The following PCSK5 variants were observed in gnomAD, a reference collection of about 807,000 sequenced individuals.
PCSK5 encodes proprotein convertase subtilisin/kexin type 5, also known as prohormone convertase 5.
PCSK5 carries 129 observed loss-of-function variants against 233.2 expected under a neutral mutation model. That is an observed-to-expected ratio of 0.55 (90% CI 0.48 to 0.64). The LOEUF is 0.64. Ranked by LOEUF, PCSK5 falls within the 30% of genes least tolerant of loss-of-function variation. The pLI is 0.00. For synonymous variants in PCSK5, 825 were observed against 879.2 expected (o/e 0.94, Z 1.09); for missense variants, 2,076 against 2,430.1 (o/e 0.85, Z 3.06).
intron 2 of PCSK5, among the ~76,000 whole-genome samples, chr9:75,972,298 G>A (rs1035097663): frequency 2.8e-4 from 43 of 152,316 alleles, no homozygotes; most frequent in Admixed American, 1.7e-3. Context: ...AGTATAGTTT[G>A]AAGTCAGGTA....
At chr9:76,329,070 C>A (rs1829454418) in intron 33 of PCSK5, among the ~76,000 whole-genome samples, 1 of 150,342 alleles carries the variant, frequency 6.7e-6, no homozygotes, top group Admixed American at 6.7e-5. Context: ...CTGCCCTCCT[C>A]AGCCTCCCAA....
At chr9:76,224,854 T>G (rs1234337360) in intron 20 of PCSK5, among the ~76,000 whole-genome samples, 3 of 152,222 alleles carry the variant, frequency 2.0e-5, no homozygotes, top group African/African-American at 7.2e-5. Flanking sequence ...CACAGTTATA[T>G]CTTAATAACC....
At chr9:76,221,430 A>T (rs1294239902) in intron 20 of PCSK5, among the ~76,000 whole-genome samples, 1 of 152,238 alleles carries the variant, frequency 6.6e-6, no homozygotes, top group Non-Finnish European at 1.5e-5. Context: ...CCTGGGTCGC[A>T]GCCCAGCTCT....
intron 5 of PCSK5, among the ~76,000 whole-genome samples, chr9:76,066,156 C>T (rs866423105): frequency 3.1e-4 from 47 of 151,994 alleles, no homozygotes; most frequent in African/African-American, 1.1e-3. Context: ...ACTTTTTTTC[C>T]ATTTCTGTGA....
chr9:76,272,406 C>T (rs1454272217), intron 24 of PCSK5, among the ~76,000 whole-genome samples: 1 of 152,040 alleles, frequency 6.6e-6, no homozygotes, highest in Non-Finnish European at 1.5e-5. Context: ...TAATAATGGC[C>T]TTCTTTCTGA....
At chr9:76,090,461 G>C (rs1046955567) in intron 7 of PCSK5, among the ~76,000 whole-genome samples, 5 of 152,138 alleles carry the variant, frequency 3.3e-5, no homozygotes, top group African/African-American at 1.2e-4. Context: ...AATTCAGTCT[G>C]TTTATTTCTG....
At chr9:75,929,209 A>G (rs1180044528) in intron 1 of PCSK5, among the ~76,000 whole-genome samples, 2 of 152,198 alleles carry the variant, frequency 1.3e-5, no homozygotes, top group Non-Finnish European at 2.9e-5. Flanking sequence ...ATGGGATTAC[A>G]GGCGTGAGCC....
At chr9:75,973,081 T>TAA (rs11432519) in intron 2 of PCSK5, among the ~76,000 whole-genome samples, 28 of 151,600 alleles carry the variant, frequency 1.8e-4, no homozygotes, top group African/African-American at 4.6e-4. Flanking sequence ...GTCTCCCTGG[T>TAA]AAAAAAAATG....
At chr9:76,287,355 C>T (rs1250404178) in intron 24 of PCSK5, 1 of 209,222 alleles carries the variant, frequency 4.8e-6, no homozygotes, top group Non-Finnish European at 1.1e-5. Context: ...TGGCTTTCCC[C>T]AGCAGGCCAA....
At chr9:76,286,314 T>A (rs1431266665) in intron 24 of PCSK5, among the ~76,000 whole-genome samples, 1 of 152,206 alleles carries the variant, frequency 6.6e-6, no homozygotes, top group African/African-American at 2.4e-5. Flanking sequence ...TTATCTGAGG[T>A]CCATCAATCC....
intron 3 of PCSK5, among the ~76,000 whole-genome samples, chr9:76,006,568 G>T (rs535410316): frequency 6.6e-6 from 1 of 152,172 alleles, no homozygotes; most frequent in African/African-American, 2.4e-5. Context: ...TACCGTTTCT[G>T]TCTCTTTTCT....
At chr9:76,310,091 T>C (rs1432246957) in intron 29 of PCSK5, among the ~76,000 whole-genome samples, 1 of 151,770 alleles carries the variant, frequency 6.6e-6, no homozygotes, top group Non-Finnish European at 1.5e-5. Context: ...CTACTAAAAA[T>C]ACAAAAATTA....
intron 1 of PCSK5, among the ~76,000 whole-genome samples, chr9:75,926,629 C>T (rs1028292173): frequency 6.6e-6 from 1 of 152,190 alleles, no homozygotes; most frequent in Non-Finnish European, 1.5e-5. Context: ...TATCACTGAT[C>T]TGTTTTCATT....
At chr9:76,053,560 C>G (rs528993742) in intron 5 of PCSK5, among the ~76,000 whole-genome samples, 2 of 152,156 alleles carry the variant, frequency 1.3e-5, no homozygotes, top group African/African-American at 4.8e-5. Flanking sequence ...ATCTCTCTCA[C>G]GTTCAAATTT....
chr9:76,105,500 A>T lies in PCSK5; in HGVS notation c.1108-1751A>T, dbSNP rs1425382114. Among the ~76,000 whole-genome samples the T allele has an allele frequency of 2.0e-5, 3 of 152,358 alleles. No homozygotes were observed. In the East Asian group the frequency reaches 5.8e-4, roughly 29 times the overall value. On this transcript the variant is annotated intron_variant, in intron 8 of 37. Transcript: ENST00000674117. ...AGCAACATTGTACTGTACGCATAAA[A>T]ATTGTTCAGAGGGTAATTGTATGTT...
At chr9:76,301,447 C>T (rs1233503740) in intron 27 of PCSK5, among the ~76,000 whole-genome samples, 1 of 152,054 alleles carries the variant, frequency 6.6e-6, no homozygotes, top group African/African-American at 2.4e-5. Context: ...TTGAGAGCAG[C>T]TTTACGATTT....
chr9:76,307,860 C>G (rs563787875), intron 28 of PCSK5, among the ~76,000 whole-genome samples: 3 of 151,964 alleles, frequency 2.0e-5, no homozygotes, highest in East Asian at 3.9e-4. Context: ...AGTTCCTCCA[C>G]GAGAGGTACA....
At chr9:75,989,930 C>G (rs913215592) in intron 3 of PCSK5, among the ~76,000 whole-genome samples, 5 of 152,090 alleles carry the variant, frequency 3.3e-5, no homozygotes, top group African/African-American at 1.2e-4. Flanking sequence ...TGGAGGCCGG[C>G]TACCACAATT....
At chr9:76,351,511 A>AAGGAAG (rs1830145660) in intron 36 of PCSK5, among the ~76,000 whole-genome samples, 1 of 67,900 alleles carries the variant, frequency 1.5e-5, no homozygotes, top group African/African-American at 3.7e-5. Context: ...AAAGAAAGAA[A>AAGGAAG]GAAAGAAAGA....
Sources: allele counts gnomAD v4.1 joint callset (sites outside exome capture counted in the v4.1 genomes callset), GRCh38; gene constraint gnomAD v4.1.1; transcripts MANE v1.5; gene names NCBI Gene and HGNC (gene_info 2026-07-23, HGNC 2026-07-21).